HFM1: variants seen among roughly 807,000 people sequenced by gnomAD.
HFM1 encodes the protein helicase for meiosis 1, also known as probable ATP-dependent DNA helicase HFM1.
A neutral mutation model predicts 192.1 loss-of-function variants in HFM1; 169 were observed. That is an observed-to-expected ratio of 0.88 (90% CI 0.78 to 1.00). The LOEUF is 1.00. Ranked by LOEUF, HFM1 falls within the 50% of genes least tolerant of loss-of-function variation. The pLI, the probability that HFM1 is intolerant of heterozygous loss-of-function variation, is 0.00. For synonymous variants in HFM1, 525 were observed against 537.8 expected (o/e 0.98, Z 0.33); for missense variants, 1,661 against 1,668.0 (o/e 1.00, Z 0.07).
intron 30 of HFM1, among the ~76,000 whole-genome samples, chr1:91,296,223 A>C (rs12026663): frequency 6.6e-6 from 1 of 152,104 alleles, no homozygotes; most frequent in African/African-American, 2.4e-5. Context: ...CCAGACTGAC[A>C]TACAATTTTT....
intron 20 of HFM1, among the ~76,000 whole-genome samples, chr1:91,335,022 A>T (rs1456774047): frequency 6.6e-6 from 1 of 152,168 alleles, no homozygotes; most frequent in Non-Finnish European, 1.5e-5. Flanking sequence ...AACAGCTGGG[A>T]AGAAGAAAGT....
At chr1:91,274,990 T>TA (rs997644305) in intron 32 of HFM1, among the ~76,000 whole-genome samples, 181 bp from the exon 33 acceptor site, 1 of 151,060 alleles carries the variant, frequency 6.6e-6, no homozygotes, top group Non-Finnish European at 1.5e-5. Flanking sequence ...TTGGCATTTT[T>TA]TTTTTTTTTT....
chr1:91,370,548 T>C (rs1044824244), intron 13 of HFM1, among the ~76,000 whole-genome samples: 82 of 152,316 alleles, frequency 5.4e-4, no homozygotes, highest in Admixed American at 1.5e-3. Context: ...CAACCCTTCA[T>C]GCTAAAAACT....
chr1:91,390,447 A>AAG (rs1158671070), intron 4 of HFM1, among the ~76,000 whole-genome samples: 2 of 151,422 alleles, frequency 1.3e-5, no homozygotes, highest in African/African-American at 4.9e-5. Context: ...AAAAAAAAAA[A>AAG]AGAGAGAAAG....
At chr1:91,317,205 G>C (rs186705672) in intron 25 of HFM1, among the ~76,000 whole-genome samples, 23 of 152,034 alleles carry the variant, frequency 1.5e-4, no homozygotes, top group African/African-American at 5.1e-4. Context: ...ACCTGAGGTC[G>C]GGAGTTCGAG....
At chr1:91,267,627 C>T in intron 35 of HFM1, 118 bp downstream of exon 35, 2 of 554,640 alleles carry the variant, frequency 3.6e-6, no homozygotes, top group Admixed American at 7.8e-5. Context: ...TCTTAACAAA[C>T]CAAATCTAAC....
chr1:91,282,284 C>T (rs1401102206), intron 30 of HFM1, among the ~76,000 whole-genome samples: 2 of 151,896 alleles, frequency 1.3e-5, no homozygotes, highest in African/African-American at 2.4e-5. Flanking sequence ...TCCGGTTTTC[C>T]TTCCAAACAT....
intron 1 of HFM1, among the ~76,000 whole-genome samples, chr1:91,402,375 G>A (rs1395928557): frequency 1.3e-5 from 2 of 151,980 alleles, no homozygotes; most frequent in Non-Finnish European, 2.9e-5. Flanking sequence ...CACTGTTTTC[G>A]TTATTGGGTT....
At chr1:91,364,254 C>G (rs1490537427) in intron 13 of HFM1, among the ~76,000 whole-genome samples, 1 of 151,366 alleles carries the variant, frequency 6.6e-6, no homozygotes, top group Non-Finnish European at 1.5e-5. Context: ...CACTAATTAT[C>G]AGGAAATGTA....
chr1:91,340,634 C>T (rs1338761214), intron 20 of HFM1, among the ~76,000 whole-genome samples: 1 of 152,094 alleles, frequency 6.6e-6, no homozygotes, highest in Non-Finnish European at 1.5e-5. Context: ...CTATAATACC[C>T]CACTTAAAAG....
At chr1:91,262,668 T>G (rs904058545) in intron 36 of HFM1, 76 bp from the exon 37 acceptor site, 3 of 859,212 alleles carry the variant, frequency 3.5e-6, no homozygotes, top group African/African-American at 1.7e-5. Context: ...TAATGATTTT[T>G]GGGGAATATG....
At chr1:91,372,480 C>T (rs376773361) in intron 13 of HFM1, among the ~76,000 whole-genome samples, 5 of 152,054 alleles carry the variant, frequency 3.3e-5, no homozygotes, top group South Asian at 4.1e-4. Flanking sequence ...AGCAAACTAT[C>T]GCAAGGACAA....
chr1:91,291,526 C>A (rs1289209065), intron 30 of HFM1, among the ~76,000 whole-genome samples: 2 of 152,118 alleles, frequency 1.3e-5, no homozygotes, highest in Non-Finnish European at 2.9e-5. Flanking sequence ...TCTGAATAGA[C>A]CAATAACAGG....
chr1:91,394,810 A>G (rs1663450868), intron 3 of HFM1, among the ~76,000 whole-genome samples: 1 of 152,132 alleles, frequency 6.6e-6, no homozygotes, highest in Non-Finnish European at 1.5e-5. Flanking sequence ...CATTATTAAC[A>G]TATCTAATGC....
chr1:91,331,741 C>G (rs942868155), intron 20 of HFM1, among the ~76,000 whole-genome samples: 30 of 152,064 alleles, frequency 2.0e-4, no homozygotes, highest in Admixed American at 1.0e-3. Flanking sequence ...AGTAAAAATA[C>G]AAAAATTAGC....
intron 2 of HFM1, among the ~76,000 whole-genome samples, chr1:91,399,510 ACG>A (rs1664057436): frequency 6.6e-6 from 1 of 152,200 alleles, no homozygotes; most frequent in Non-Finnish European, 1.5e-5. Flanking sequence ...CCAGCATTCA[ACG>A]CACATCACCA....
At chr1:91,333,476 G>A (rs1654116138) in intron 20 of HFM1, among the ~76,000 whole-genome samples, 1 of 151,830 alleles carries the variant, frequency 6.6e-6, no homozygotes, top group South Asian at 2.1e-4. Context: ...GAGGGTGGAG[G>A]GGAGTTTGGT....
intron 30 of HFM1, among the ~76,000 whole-genome samples, chr1:91,303,708 G>A (rs1050136774): frequency 2.6e-5 from 4 of 152,196 alleles, no homozygotes; most frequent in Non-Finnish European, 4.4e-5. Context: ...CCACCCTACT[G>A]AGTGGGAAGT....
chr1:91,394,534 A>C, intron 3 of HFM1, 132 bp from the exon 4 acceptor site: 4 of 602,138 alleles, frequency 6.6e-6, no homozygotes, highest in Non-Finnish European at 1.2e-5. Context: ...TAATAAGCTC[A>C]TCTGTAATAC....
Sources: allele counts gnomAD v4.1 joint callset (sites outside exome capture counted in the v4.1 genomes callset), GRCh38; gene constraint gnomAD v4.1.1; transcripts MANE v1.5; gene names NCBI Gene and HGNC (gene_info 2026-07-23, HGNC 2026-07-21).